Variants in CELSR1 observed in about 807,000 individuals in gnomAD.
CELSR1 encodes adhesion G protein-coupled receptor C1.
In CELSR1, 110 loss-of-function variants were observed where a neutral mutation model predicts 249.1. The ratio of observed to expected loss-of-function variants is 0.44; its 90% CI spans 0.38 to 0.52. The LOEUF is 0.52. CELSR1 is among the 20% of genes least tolerant of loss of function. The pLI, the probability that CELSR1 is intolerant of heterozygous loss-of-function variation, is 0.00. For synonymous variants in CELSR1, 2,113 were observed against 1,900.0 expected (o/e 1.11, Z -2.92); for missense variants, 4,109 against 4,296.4 (o/e 0.96, Z 1.22).
At position 46,428,220 on chromosome 22, in the gene CELSR1, C is replaced by T. The variant is rs1024071163; in HGVS notation, c.4611+5173G>A. On this transcript the variant is annotated intron_variant, in intron 5 of 34. Coordinates refer to ENST00000674500, the MANE Select transcript of CELSR1 (RefSeq NM_001378328.1). The surrounding 1 kb of genome is among the most constrained non-coding windows in gnomAD (Gnocchi z 5.7). ...CCGCAGCATGCCAAAGACAGCCCCG[C>T]GCCATCTCAGAATCACCAGAACCAG... 3.9e-5 allele frequency among the ~76,000 whole-genome samples: 6 copies of T among 152,306 alleles called. No individual in the cohort carries two copies. Among genetic ancestry groups the T allele is most frequent in the East Asian group, 3.9e-4 (2 of 5,176 alleles).
intron 28 of CELSR1, among the ~76,000 whole-genome samples, 192 bp downstream of exon 28, chr22:46,367,535 GAC>G (rs2078799314): frequency 6.6e-6 from 1 of 152,216 alleles, no homozygotes; most frequent in Non-Finnish European, 1.5e-5. Context: ...ATCGTCCCCA[GAC>G]ACAGTGGGGA....
At position 46,535,506 on chromosome 22, in the gene CELSR1, C is replaced by A; in HGVS notation, c.1665G>T (p.Val555=). The change falls in exon 1 of 35, where the codon GTG becomes GTT. Residue 555 remains valine, a synonymous_variant. Coordinates refer to ENST00000674500, the MANE Select transcript of CELSR1 (RefSeq NM_001378328.1). The part of the protein sequence containing the change: ...INSSGVVSVQ[V]LDVNDNEPIF... ...TAGGCTCGTTGTCGTTGACATCCAGCACCTGCACAGACACCACCCCTGAAG... is the reference window on the plus strand; with the variant it reads ...TAGGCTCGTTGTCGTTGACATCCAGAACCTGCACAGACACCACCCCTGAAG... 1 of 1,612,910 alleles carries A rather than the reference C, an allele frequency of 6.2e-7. No homozygotes were observed. The highest frequency in any genetic ancestry group is 8.5e-7 in the Non-Finnish European group (1 of 1,179,860).
Position 46,484,771 on chromosome 22 carries a change from T to C in CELSR1, c.3545-20426A>G, listed in dbSNP as rs765510603. On this transcript the variant is annotated intron_variant, in intron 1 of 34. Transcript: ENST00000674500. The surrounding 1 kb of genome is among the most constrained non-coding windows in gnomAD (Gnocchi z 4.5). ...GCTGCTGCCTGAGGTCTCCAAACAC[T>C]ACCGAAGCCCACCTCCAGGAACAAG... is the stretch of plus-strand genomic sequence containing the variant. Among the ~76,000 whole-genome samples the C allele has an allele frequency of 1.4e-5, 2 of 143,942 alleles. No homozygotes were observed. Among genetic ancestry groups the C allele is most frequent in the Non-Finnish European group, 3.0e-5 (2 of 66,400 alleles). The allele number at this position is 143,942 out of a possible 152,430, so 94.4% of individuals were successfully genotyped here. A position where few individuals can be genotyped will look rare whatever the true frequency, so the allele number is the denominator to read the frequency against.
At chr22:46,455,927 A>G (rs2079944029) in intron 2 of CELSR1, among the ~76,000 whole-genome samples, 1 of 152,368 alleles carries the variant, frequency 6.6e-6, no homozygotes, top group South Asian at 2.1e-4. Context: ...TACCAGGGAC[A>G]TGGCAAATCT....
At chr22:46,482,119 T>A (rs777055596) in intron 1 of CELSR1, among the ~76,000 whole-genome samples, 3 of 152,214 alleles carry the variant, frequency 2.0e-5, no homozygotes, top group Admixed American at 1.3e-4. Context: ...GACAAAATAA[T>A]GTCTCACCCT....
Position 46,363,642 on chromosome 22 carries a change from G to C in CELSR1, c.9035+354C>G, listed in dbSNP as rs530310472. On this transcript the variant is annotated intron_variant, in intron 34 of 34. Transcript: ENST00000674500. The surrounding 1 kb of genome is among the most constrained non-coding windows in gnomAD (Gnocchi z 4.3). ...CCGCCCCCTTCACCCCTGGCATTCC[G>C]GGACCCTCAGTATCCTCAACTGCAA... 2 of 364,592 alleles carry C rather than the reference G, an allele frequency of 5.5e-6. No homozygotes were observed. Among genetic ancestry groups the C allele is most frequent in the African/African-American group, 2.1e-5 (1 of 48,438 alleles). The allele number at this position is 364,592 out of a possible 1,614,324, so 22.6% of individuals were successfully genotyped here. A position where few individuals can be genotyped will look rare whatever the true frequency, so the allele number is the denominator to read the frequency against.
intron 5 of CELSR1, among the ~76,000 whole-genome samples, chr22:46,432,980 T>A (rs1260135897): frequency 2.0e-5 from 3 of 152,078 alleles, no homozygotes; most frequent in Non-Finnish European, 4.4e-5. Flanking sequence ...TAAAAAAAAA[T>A]TCAGAGCACA....
intron 2 of CELSR1, among the ~76,000 whole-genome samples, chr22:46,444,418 G>T (rs533340663): frequency 6.6e-6 from 1 of 152,184 alleles, no homozygotes; most frequent in Admixed American, 6.5e-5. Flanking sequence ...CTGCCCCCGA[G>T]GGGGGCACCT....
chr22:46,390,317 C>A lies in CELSR1; in HGVS notation c.6345+75G>T. On this transcript the variant is annotated intron_variant, in intron 17 of 34. Transcript: ENST00000674500. This position sits in a 1 kb window ranked among gnomAD's most constrained non-coding sequence, Gnocchi z 6.3. ...ACACTCCCCAGCCCAGGAGCCTCGG[C>A]CCACACAAACTCTCTCACGCATACA... 1 of 1,231,440 alleles carries A rather than the reference C, an allele frequency of 8.1e-7. No homozygotes were observed. Among genetic ancestry groups the A allele is most frequent in the South Asian group, 1.4e-5 (1 of 71,172 alleles). 76.3% of individuals were successfully genotyped at this position (1,231,440 alleles called of 1,614,324 possible). A position where few individuals can be genotyped will look rare whatever the true frequency, so the allele number is the denominator to read the frequency against.
At chr22:46,397,958 T>A in intron 11 of CELSR1, 110 bp from the exon 12 acceptor site, 1 of 941,826 alleles carries the variant, frequency 1.1e-6, no homozygotes, top group Non-Finnish European at 1.5e-6. Context: ...CTGTGATGCC[T>A]CATTTATCTA....
chr22:46,433,282 G>T lies in CELSR1; in HGVS notation c.4611+111C>A, dbSNP rs1175030278. The T allele has an allele frequency of 1.2e-5, 9 of 746,406 alleles. No individual in the cohort carries two copies. Among genetic ancestry groups the T allele is most frequent in the Non-Finnish European group, 2.0e-5 (9 of 453,936 alleles). The allele number at this position is 746,406 out of a possible 1,614,324, so 46.2% of individuals were successfully genotyped here. A position where few individuals can be genotyped will look rare whatever the true frequency, so the allele number is the denominator to read the frequency against. On this transcript the variant is annotated intron_variant, in intron 5 of 34. Transcript: ENST00000674500. The surrounding 1 kb of genome is among the most constrained non-coding windows in gnomAD (Gnocchi z 5.7). Reference sequence around the variant, plus strand: ...GCTCCTGACCTCAGGTAATCCACCTGCCTTGGCCTCTCAAAGTGCTGGGAT... The same window carrying T: ...GCTCCTGACCTCAGGTAATCCACCTTCCTTGGCCTCTCAAAGTGCTGGGAT...
At chr22:46,378,486 C>A (rs890908389) in intron 23 of CELSR1, 105 bp downstream of exon 23, 4 of 1,284,342 alleles carry the variant, frequency 3.1e-6, no homozygotes, top group Non-Finnish European at 4.3e-6. Flanking sequence ...GCAGGCTCAG[C>A]AGGTTTGAGG....
In CELSR1 at chr22:46,377,092, A is replaced by C; in HGVS notation, c.7553T>G (p.Phe2518Cys). ...TTCCGTCTGGTTGATCCCAATCACG[A>C]ACACCAGCTGAGAGAGGAAGAGCGC... ...AVALFLSQLV[F>C]VIGINQTENP... Residue 2518 changes from phenylalanine to cysteine, a missense_variant, in exon 24 of 35, where the codon TTC becomes TGC. By Grantham distance (205) the Phe-to-Cys change is radical (BLOSUM62 -2). Transcript: ENST00000674500. 1 of 1,613,488 alleles carries C rather than the reference A, an allele frequency of 6.2e-7. No individual in the cohort carries two copies. The highest frequency in any genetic ancestry group is 8.5e-7 in the Non-Finnish European group (1 of 1,179,880).
chr22:46,389,479 A>T lies in CELSR1; in HGVS notation c.6366T>A (p.Asn2122Lys), dbSNP rs115467657. The change falls in exon 18 of 35, where the codon AAT becomes AAA. Residue 2122 changes from asparagine to lysine, a missense_variant. Around this residue, in one of 7 missense-constraint regions of CELSR1, gnomAD observed 1,805 missense variants for 1,831.6 expected, o/e 0.99. Coordinates refer to ENST00000674500, the MANE Select transcript of CELSR1 (RefSeq NM_001378328.1). ...LRAMNEKLSR[N>K]ETQVDGARAL... ...CCCTGGCGCCGTCCACCTGCGTCTC[A>T]TTGCGGCTCAGCTTCTCATTCTGGA... 6.2e-7 allele frequency: 1 copy of T among 1,613,276 alleles called. No individual in the cohort carries two copies. Among genetic ancestry groups the T allele is most frequent in the East Asian group, 2.2e-5 (1 of 44,876 alleles).
rs891102319 is a variant in CELSR1, at chr22:46,488,540, A to G, written c.3545-24195T>C. ...CTGGACTCGGCACAGGCCAGAGGGAAGCCCCACAGGCCTAGCTGAGGGACA... is the reference window on the plus strand; with the variant it reads ...CTGGACTCGGCACAGGCCAGAGGGAGGCCCCACAGGCCTAGCTGAGGGACA... On this transcript the variant is annotated intron_variant, in intron 1 of 34. Coordinates refer to ENST00000674500, the MANE Select transcript of CELSR1 (RefSeq NM_001378328.1). The surrounding 1 kb of genome is among the most constrained non-coding windows in gnomAD (Gnocchi z 4.7). Among the ~76,000 whole-genome samples the G allele has an allele frequency of 6.6e-6, 1 of 152,158 alleles. No homozygotes were observed. The highest frequency in any genetic ancestry group is 1.5e-5 in the Non-Finnish European group (1 of 68,014).
In CELSR1 at chr22:46,396,661, C is replaced by G; in HGVS notation, c.5787G>C (p.Pro1929=). The part of the protein sequence containing the change: ...MGACVRSPGS[P]QGYVCECGPS... ...GCCCACACTCGCACACGTAGCCCTG[C>G]GGGGAGCCGGGGGAGCGCACGCAGG... Residue 1929 remains proline, a synonymous_variant, in exon 13 of 35, where the codon CCG becomes CCC. Coordinates refer to ENST00000674500, the MANE Select transcript of CELSR1 (RefSeq NM_001378328.1). This position sits in a 1 kb window ranked among gnomAD's most constrained non-coding sequence, Gnocchi z 6.4. 6.2e-7 allele frequency: 1 copy of G among 1,611,816 alleles called. No homozygotes were observed. The highest frequency in any genetic ancestry group is 8.5e-7 in the Non-Finnish European group (1 of 1,178,984).
chr22:46,391,394 C>T lies in CELSR1; in HGVS notation c.6149-107G>A, dbSNP rs1257828008. 1.9e-6 allele frequency: 2 copies of T among 1,056,572 alleles called. No individual in the cohort carries two copies. Among genetic ancestry groups the T allele is most frequent in the Non-Finnish European group, 2.7e-6 (2 of 730,914 alleles). 65.4% of individuals were successfully genotyped at this position (1,056,572 alleles called of 1,614,324 possible). A position where few individuals can be genotyped will look rare whatever the true frequency, so the allele number is the denominator to read the frequency against. ...CTCCCTGCAGGAGGCCCTGCTCCCA[C>T]CAAGAACCGAACCCTAGCATCTCCC... On this transcript the variant is annotated intron_variant, in intron 15 of 34. Transcript: ENST00000674500. The surrounding 1 kb of genome is among the most constrained non-coding windows in gnomAD (Gnocchi z 4.3).
chr22:46,391,451 G>A lies in CELSR1; in HGVS notation c.6149-164C>T, dbSNP rs1453772703. On this transcript the variant is annotated intron_variant, in intron 15 of 34. Transcript: ENST00000674500. This position sits in a 1 kb window ranked among gnomAD's most constrained non-coding sequence, Gnocchi z 4.3. ...CCATCCATGTCAGAGCTGGAGAGGG[G>A]TGACCAGGCTCTGACCCACACCCCC... Among the ~76,000 whole-genome samples, 1 of 151,884 alleles carries A rather than the reference G, an allele frequency of 6.6e-6. No homozygotes were observed. The highest frequency in any genetic ancestry group is 1.5e-5 in the Non-Finnish European group (1 of 67,976).
chr22:46,416,235 C>G (rs374645061), intron 5 of CELSR1, among the ~76,000 whole-genome samples: 7 of 152,322 alleles, frequency 4.6e-5, no homozygotes, highest in African/African-American at 1.7e-4. Context: ...AGGGTTGTGT[C>G]TGAGTTTTTT....
Sources: allele counts gnomAD v4.1 joint callset (sites outside exome capture counted in the v4.1 genomes callset), GRCh38; gene constraint gnomAD v4.1.1; regional missense constraint gnomAD v4.1.1; non-coding constraint Gnocchi (gnomAD v3.1); transcripts MANE v1.5; gene names NCBI Gene and HGNC (gene_info 2026-07-23, HGNC 2026-07-21).